PLXNC1: variants seen among roughly 807,000 people sequenced by gnomAD.
PLXNC1 encodes plexin C1.
A neutral mutation model predicts 178.2 loss-of-function variants in PLXNC1; 75 were observed. That is an observed-to-expected ratio of 0.42 (90% CI 0.35 to 0.51). PLXNC1 has a LOEUF of 0.51. PLXNC1 is among the 20% of genes least tolerant of loss of function. The pLI is 0.02. For synonymous variants in PLXNC1, 790 were observed against 779.9 expected (o/e 1.01, Z -0.22); for missense variants, 1,503 against 1,984.4 (o/e 0.76, Z 4.61).
chr12:94,231,754 C>T (rs957853956), intron 9 of PLXNC1, among the ~76,000 whole-genome samples: 7 of 152,202 alleles, frequency 4.6e-5, no homozygotes, highest in South Asian at 2.1e-4. Context: ...AGTGTCTGAC[C>T]GTCTGTCTGT....
chr12:94,221,193 GCTTA>G (rs1963786334), intron 6 of PLXNC1, among the ~76,000 whole-genome samples: 1 of 152,234 alleles, frequency 6.6e-6, no homozygotes, highest in Admixed American at 6.5e-5. Context: ...TCACTGCTGT[GCTTA>G]GAACAGTATC....
chr12:94,267,452 C>T (rs1054837400), intron 21 of PLXNC1, among the ~76,000 whole-genome samples: 4 of 152,144 alleles, frequency 2.6e-5, no homozygotes, highest in South Asian at 2.1e-4. Flanking sequence ...GAATTCATGT[C>T]GACTCTTGAA....
chr12:94,273,591 G>A (rs753287306), intron 21 of PLXNC1, among the ~76,000 whole-genome samples: 1 of 152,048 alleles, frequency 6.6e-6, no homozygotes, highest in South Asian at 2.1e-4. Context: ...AAAATGCTCC[G>A]TCTGTACCTC....
At position 94,223,665 on chromosome 12, in the gene PLXNC1, GT is replaced by G. The variant is rs560078819; in HGVS notation, c.1703-559del. Among the ~76,000 whole-genome samples, 334 of 152,282 alleles carry G rather than the reference GT, an allele frequency of 2.2e-3. 3 individuals carry two copies. Among genetic ancestry groups the G allele is most frequent in the Middle Eastern group, 0.02 (6 of 294 alleles). ...ATCCTTGTTATTTTGTTCTTTTGGG[GT>G]TTTCTAACCAATGAGTAGGTTTTCA... On this transcript the variant is annotated intron_variant, in intron 6 of 30. Transcript: ENST00000258526.
chr12:94,191,400 G>A (rs962132213), intron 4 of PLXNC1, among the ~76,000 whole-genome samples: 5 of 152,202 alleles, frequency 3.3e-5, no homozygotes, highest in African/African-American at 1.2e-4. Context: ...CTGTTGAGAA[G>A]GTTGAGTTTT....
intron 23 of PLXNC1, 63 bp downstream of exon 23, chr12:94,282,464 C>G: frequency 1.8e-6 from 2 of 1,086,420 alleles, no homozygotes; most frequent in Middle Eastern, 2.0e-4. Flanking sequence ...CATGGACATT[C>G]TTTTAAAACA....
At chr12:94,154,934 C>G (rs949201021) in intron 1 of PLXNC1, among the ~76,000 whole-genome samples, 34 of 152,178 alleles carry the variant, frequency 2.2e-4, no homozygotes, top group African/African-American at 7.7e-4. Context: ...AATGAAGGAT[C>G]GTAGAGAATC....
chr12:94,301,708 T>A (rs1414093883), intron 28 of PLXNC1, among the ~76,000 whole-genome samples: 1 of 152,030 alleles, frequency 6.6e-6, no homozygotes, highest in Non-Finnish European at 1.5e-5. Flanking sequence ...ACTTTAAGAG[T>A]ACCTGGAATG....
chr12:94,156,018 A>C (rs962280003), intron 1 of PLXNC1, among the ~76,000 whole-genome samples: 3 of 152,228 alleles, frequency 2.0e-5, no homozygotes, highest in African/African-American at 7.2e-5. Flanking sequence ...AACCAGGTCA[A>C]TTGGGACCAA....
chr12:94,185,969 T>A (rs1962493788), intron 3 of PLXNC1: 1 of 176,310 alleles, frequency 5.7e-6, no homozygotes, highest in South Asian at 1.3e-4. Context: ...AAATACAGAT[T>A]CCTGGCCAGA....
intron 30 of PLXNC1, 177 bp downstream of exon 30, chr12:94,304,228 C>A (rs1314421447): frequency 1.9e-6 from 1 of 515,244 alleles, no homozygotes; most frequent in Non-Finnish European, 3.5e-6. Context: ...TGGCTGCCCC[C>A]CTTACAGTTT....
At chr12:94,251,638 T>C (rs1279338317) in intron 15 of PLXNC1, 110 bp downstream of exon 15, 1 of 725,422 alleles carries the variant, frequency 1.4e-6, no homozygotes, top group Non-Finnish European at 2.5e-6. Flanking sequence ...TATAAATGGG[T>C]GAAAGCCCAA....
At chr12:94,234,295 A>G (rs969020379) in intron 9 of PLXNC1, among the ~76,000 whole-genome samples, 2 of 152,108 alleles carry the variant, frequency 1.3e-5, no homozygotes, top group African/African-American at 4.8e-5. Flanking sequence ...CACAAAAGGT[A>G]CTCTTACTGT....
At chr12:94,214,900 T>A (rs528064084) in intron 5 of PLXNC1, among the ~76,000 whole-genome samples, 13 of 143,368 alleles carry the variant, frequency 9.1e-5, no homozygotes, top group Non-Finnish European at 1.6e-4. Flanking sequence ...GTATTAAGGC[T>A]ATTTTTTTTT....
chr12:94,196,485 G>C (rs766944718), intron 4 of PLXNC1, among the ~76,000 whole-genome samples: 29 of 152,080 alleles, frequency 1.9e-4, no homozygotes, highest in Non-Finnish European at 4.1e-4. Flanking sequence ...CCCTCACCAG[G>C]AGCAGACACT....
intron 6 of PLXNC1, among the ~76,000 whole-genome samples, chr12:94,221,846 A>C (rs1157694590): frequency 6.6e-6 from 1 of 152,130 alleles, no homozygotes; most frequent in Non-Finnish European, 1.5e-5. Context: ...CACATTCATG[A>C]GGGTGCAGCC....
In PLXNC1 at chr12:94,181,581, G is replaced by A; in HGVS notation, c.1338+1G>A. On this transcript the variant is annotated splice_donor_variant, in intron 3 of 30. Transcript: ENST00000258526. LOFTEE classifies it high-confidence loss of function. Reference sequence around the variant, plus strand: ...CATTTATCTAACAGCTGGGAAAGAGGTAGGTAGAAATACTAGTTATTGCTT... The same window carrying A: ...CATTTATCTAACAGCTGGGAAAGAGATAGGTAGAAATACTAGTTATTGCTT... The A allele has an allele frequency of 1.2e-6, 2 of 1,603,572 alleles. No individual in the cohort carries two copies. Among genetic ancestry groups the A allele is most frequent in the Non-Finnish European group, 1.7e-6 (2 of 1,173,052 alleles).
intron 5 of PLXNC1, among the ~76,000 whole-genome samples, chr12:94,212,589 CTT>C (rs1019584950): frequency 4.0e-5 from 6 of 150,894 alleles, no homozygotes; most frequent in Non-Finnish European, 5.9e-5. Flanking sequence ...GGTTTTCTGT[CTT>C]TGTGATAGTT....
At chr12:94,175,382 C>T (rs761070597) in intron 2 of PLXNC1, among the ~76,000 whole-genome samples, 2 of 151,944 alleles carry the variant, frequency 1.3e-5, no homozygotes, top group Non-Finnish European at 2.9e-5. Flanking sequence ...TCATGGTAAT[C>T]GTAAAGAAAA....
Sources: gnomAD v4.1 joint callset for allele counts (sites outside exome capture counted in the v4.1 genomes callset) on GRCh38, gnomAD v4.1.1 for gene constraint, MANE v1.5 for transcripts, NCBI Gene and HGNC (gene_info 2026-07-23, HGNC 2026-07-21) for gene names.